DAB1: variants seen among roughly 807,000 people sequenced by gnomAD.
DAB1 encodes disabled homolog 1.
Under a neutral mutation model 64.6 loss-of-function variants are expected in DAB1, and 15 were observed. The observed-to-expected ratio is 0.23, with a 90% CI of 0.16 to 0.36. The LOEUF (loss-of-function observed/expected upper bound fraction) is 0.36, where lower values mean the gene tolerates loss of function less well. Ranked by LOEUF, DAB1 falls within the 10% of genes least tolerant of loss-of-function variation. The pLI, the probability that DAB1 is intolerant of heterozygous loss-of-function variation, is 1.00. For synonymous variants in DAB1, 235 were observed against 251.9 expected (o/e 0.93, Z 0.64); for missense variants, 596 against 706.7 (o/e 0.84, Z 1.78).
chr1:57,763,987 T>C (rs1446438908), intron 6 of DAB1, among the ~76,000 whole-genome samples: 2 of 152,190 alleles, frequency 1.3e-5, no homozygotes, highest in Non-Finnish European at 2.9e-5. Flanking sequence ...AGAGTAGCCA[T>C]ACTCAGGTAA....
intron 1 of DAB1, among the ~76,000 whole-genome samples, chr1:57,868,942 T>C (rs1433235229): frequency 6.6e-6 from 1 of 152,138 alleles, no homozygotes; most frequent in Non-Finnish European, 1.5e-5. Context: ...AAGATTTTTT[T>C]CCTTCAAGGT....
chr1:58,470,853 T>C (rs998753059), intron 3 of DAB1, among the ~76,000 whole-genome samples: 1 of 152,156 alleles, frequency 6.6e-6, no homozygotes, highest in African/African-American at 2.4e-5. Context: ...AGAGCTCTTC[T>C]TATTTGATTG....
intron 1 of DAB1, among the ~76,000 whole-genome samples, chr1:57,362,538 T>C (rs1225212422): frequency 6.6e-6 from 1 of 152,050 alleles, no homozygotes. Context: ...ATTAGGGAGG[T>C]GGGGTCTTCT....
At position 57,508,010 on chromosome 1, in the gene DAB1, A is replaced by G. The variant is rs1251842582; in HGVS notation, n.625+141582T>C. ...AGAGATATGGAATAAGTAGGTATGG[A>G]CTGTGGCCCATGACTATGTGTTTTT... On this transcript the variant is annotated intron_variant and non_coding_transcript_variant, in intron 7 of 20. Coordinates refer to the DAB1 transcript ENST00000485760. Among the ~76,000 whole-genome samples the G allele has an allele frequency of 2.0e-5, 3 of 152,206 alleles. No individual in the cohort carries two copies. The East Asian group carries it at 5.8e-4, about 29-fold the overall frequency.
intron 5 of DAB1, among the ~76,000 whole-genome samples, chr1:57,933,919 C>T (rs1009358472): frequency 2.0e-5 from 3 of 150,446 alleles, no homozygotes; most frequent in Non-Finnish European, 4.4e-5. Context: ...TTTTTGAGAC[C>T]GAGTCTCACT....
At chr1:57,282,025 T>C (rs1450244139) in intron 2 of DAB1, among the ~76,000 whole-genome samples, 1 of 150,962 alleles carries the variant, frequency 6.6e-6, no homozygotes, top group Non-Finnish European at 1.5e-5. Flanking sequence ...CTACTAAAAA[T>C]ATAAAAAATT....
intron 4 of DAB1, among the ~76,000 whole-genome samples, chr1:58,181,765 T>C (rs1656806841): frequency 6.6e-6 from 1 of 152,110 alleles, no homozygotes; most frequent in Non-Finnish European, 1.5e-5. Context: ...TACATCATTA[T>C]ATGTTATAAG....
At chr1:58,120,022 C>T (rs1423891487) in intron 5 of DAB1, among the ~76,000 whole-genome samples, 1 of 152,130 alleles carries the variant, frequency 6.6e-6, no homozygotes, top group Non-Finnish European at 1.5e-5. Flanking sequence ...ATAGTTCTCT[C>T]CATCCTGATT....
chr1:57,177,387 T>G (rs1009848593), intron 2 of DAB1, among the ~76,000 whole-genome samples: 1 of 152,130 alleles, frequency 6.6e-6, no homozygotes, highest in Non-Finnish European at 1.5e-5. Context: ...TTAATCTGTC[T>G]TTTGTCAGCC....
Position 57,687,973 on chromosome 1 carries a change from T to C in DAB1, n.552-38308A>G, listed in dbSNP as rs61652288. Among the ~76,000 whole-genome samples, 908 of 152,298 alleles carry C rather than the reference T, an allele frequency of 6.0e-3. 10 individuals are homozygous for C. Among genetic ancestry groups the C allele is most frequent in the African/African-American group, 0.02 (840 of 41,572 alleles). The stretch of plus-strand genomic sequence containing the variant: ...ATTATAAAAATCCTAGAAGAAAATC[T>C]AGGAAATATCCTTCTCAACATTGGC... On this transcript the variant is annotated intron_variant and non_coding_transcript_variant, in intron 6 of 20. Transcript: ENST00000485760.
chr1:58,536,433 A>G (rs942507317), intron 1 of DAB1: 4 of 700,734 alleles, frequency 5.7e-6, no homozygotes, highest in African/African-American at 3.6e-5. Flanking sequence ...AAAAAACAAC[A>G]TATCTTTCAC....
At chr1:57,238,892 C>T (rs915366904) in intron 2 of DAB1, among the ~76,000 whole-genome samples, 34 of 151,690 alleles carry the variant, frequency 2.2e-4, no homozygotes, top group African/African-American at 8.0e-4. Flanking sequence ...CACACACACA[C>T]ACCCCTAACT....
chr1:57,170,392 G>A (rs898364086), intron 2 of DAB1, among the ~76,000 whole-genome samples: 2 of 152,166 alleles, frequency 1.3e-5, no homozygotes, highest in Non-Finnish European at 2.9e-5. Flanking sequence ...ACTTTGCAAA[G>A]TGTTTGGCAC....
rs1450246444 is a variant in DAB1 at position 58,160,347 on chromosome 1, G to A, written n.310-9759C>T. On this transcript the variant is annotated intron_variant and non_coding_transcript_variant, in intron 4 of 20. Transcript: ENST00000485760. ...GTTCCCTGTTACCGCAGGCTGCTCT[G>A]GATAAGGAAACAAACATTTTGGGGC... 2.0e-5 allele frequency among the ~76,000 whole-genome samples: 3 copies of A among 152,110 alleles called. No individual in the cohort carries two copies. The East Asian group carries it at 5.8e-4, about 29-fold the overall frequency.
At chr1:57,021,061 G>A (rs1166708297) in intron 11 of DAB1, among the ~76,000 whole-genome samples, 14 of 152,200 alleles carry the variant, frequency 9.2e-5, no homozygotes, top group African/African-American at 3.1e-4. Context: ...CCAGTTAAGG[G>A]AGAAATAGGG....
chr1:57,425,496 A>C (rs1685249874), upstream of DAB1, among the ~76,000 whole-genome samples: 1 of 152,196 alleles, frequency 6.6e-6, no homozygotes, highest in Admixed American at 6.5e-5. Flanking sequence ...GGGCTGGTAC[A>C]TACAAAGTCA....
chr1:57,359,008 T>C (rs1570363041), intron 1 of DAB1, among the ~76,000 whole-genome samples: 1 of 151,832 alleles, frequency 6.6e-6, no homozygotes, highest in African/African-American at 2.4e-5. Context: ...TAGAAGAAAA[T>C]ATATAAGAAA....
chr1:57,572,610 G>A (rs563697428), intron 7 of DAB1, among the ~76,000 whole-genome samples: 1 of 152,180 alleles, frequency 6.6e-6, no homozygotes, highest in African/African-American at 2.4e-5. Context: ...AAATATTTAG[G>A]CCTGGCATAT....
intron 4 of DAB1, among the ~76,000 whole-genome samples, chr1:57,105,544 G>C (rs189676946): frequency 6.6e-6 from 1 of 152,254 alleles, no homozygotes; most frequent in East Asian, 1.9e-4. Context: ...CAATTTAAAA[G>C]TTCTACCGTG....
Sources: gnomAD v4.1 joint callset for allele counts (sites outside exome capture counted in the v4.1 genomes callset) on GRCh38, gnomAD v4.1.1 for gene constraint, MANE v1.5 for transcripts, NCBI Gene and HGNC (gene_info 2026-07-23, HGNC 2026-07-21) for gene names.